Variants in PDK1 observed in about 807,000 individuals in gnomAD.
PDK1 encodes the protein pyruvate dehydrogenase kinase 1, also known as [Pyruvate dehydrogenase (acetyl-transferring)] kinase isozyme 1, mitochondrial.
In PDK1, 39 loss-of-function variants were observed where a neutral mutation model predicts 54.2. That is an observed-to-expected ratio of 0.72 (90% CI 0.56 to 0.94). The LOEUF is 0.94. PDK1 is among the 40% of genes least tolerant of loss of function. The pLI, the probability that PDK1 is intolerant of heterozygous loss-of-function variation, is 0.00. For synonymous variants in PDK1, 221 were observed against 207.1 expected, an observed-to-expected ratio of 1.07 and a Z score of -0.58; for missense variants, 552 against 566.0, an observed-to-expected ratio of 0.98 and a Z score of 0.25.
intron 3 of PDK1, chr2:172,562,673 G>A (rs1372178875): frequency 3.4e-6 from 3 of 871,732 alleles, no homozygotes; most frequent in Non-Finnish European, 3.8e-6. Context: ...TACAAGTCTA[G>A]ATTTGTAATG....
chr2:172,665,681 C>G, the PDK1 span, among the ~76,000 whole-genome samples: 1 of 152,314 alleles, frequency 6.6e-6, no homozygotes, highest in Non-Finnish European at 1.5e-5. Flanking sequence ...TCCTTGATAA[C>G]AAAACCCCAG....
At chr2:172,676,879 G>C in the PDK1 span, among the ~76,000 whole-genome samples, 1 of 152,092 alleles carries the variant, frequency 6.6e-6, no homozygotes, top group Non-Finnish European at 1.5e-5. Context: ...TTAAGAATTT[G>C]CCATAGCCAC....
rs147625238 is a variant in PDK1 at position 172,583,573 on chromosome 2, G to A, written c.946-2705G>A. Among the ~76,000 whole-genome samples the A allele has an allele frequency of 5.5e-3, 834 of 151,956 alleles. 6 individuals carry two copies. Among genetic ancestry groups the A allele is most frequent in the African/African-American group, 0.019 (785 of 41,462 alleles). ...CTCCCAAAGTGCTGGGTTTATAGGT[G>A]TAAGCCACCACACCCAGCCACAAGT... On this transcript the variant is annotated intron_variant, in intron 8 of 10. Coordinates refer to ENST00000282077, the MANE Select transcript of PDK1 (RefSeq NM_002610.5).
At chr2:172,661,116 TCATTCTGATCAG>T in the PDK1 span, among the ~76,000 whole-genome samples, 1 of 152,126 alleles carries the variant, frequency 6.6e-6, no homozygotes, top group Non-Finnish European at 1.5e-5. Context: ...TCAGGAATGT[TCATTCTGATCAG>T]CAGCTAGGGC....
At chr2:172,566,994 G>A (rs368627721) in intron 6 of PDK1, 61 bp downstream of exon 6, 1 of 1,106,910 alleles carries the variant, frequency 9.0e-7, no homozygotes, top group Non-Finnish European at 1.3e-6. Context: ...TAAGGGATAA[G>A]AATTTAAATG....
chr2:172,714,203 T>C, the PDK1 span, among the ~76,000 whole-genome samples: 1 of 152,226 alleles, frequency 6.6e-6, no homozygotes, highest in Non-Finnish European at 1.5e-5. Context: ...TAAGTTTAAA[T>C]AGTAACAAAA....
the PDK1 span, among the ~76,000 whole-genome samples, chr2:172,618,168 G>A: frequency 6.6e-6 from 1 of 152,172 alleles, no homozygotes; most frequent in Non-Finnish European, 1.5e-5. Context: ...ACATTCTATA[G>A]TGAGATGGTA....
chr2:172,624,625 G>A, the PDK1 span, among the ~76,000 whole-genome samples: 1 of 152,140 alleles, frequency 6.6e-6, no homozygotes, highest in Non-Finnish European at 1.5e-5. Context: ...GGAGATGCTG[G>A]GGTCCCATCC....
the PDK1 span, among the ~76,000 whole-genome samples, chr2:172,629,064 A>G: frequency 6.6e-6 from 1 of 152,158 alleles, no homozygotes; most frequent in Non-Finnish European, 1.5e-5. Flanking sequence ...GAGGAGGTTG[A>G]GGCTGCAGTG....
chr2:172,569,422 G>T (rs890410309), intron 7 of PDK1, among the ~76,000 whole-genome samples: 1 of 151,780 alleles, frequency 6.6e-6, no homozygotes, highest in East Asian at 1.9e-4. Context: ...TTTTTTCCCC[G>T]CCAATAATAC....
chr2:172,583,229 C>G (rs564128009), intron 8 of PDK1, among the ~76,000 whole-genome samples: 36 of 138,040 alleles, frequency 2.6e-4, no homozygotes, highest in African/African-American at 9.3e-4. Context: ...AAATAAATTA[C>G]TTTACAGGGC....
At chr2:172,594,059 G>A (rs568320069) in intron 10 of PDK1, among the ~76,000 whole-genome samples, 6 of 143,800 alleles carry the variant, frequency 4.2e-5, no homozygotes, top group East Asian at 2.0e-4. Context: ...TTTTTGAGAC[G>A]GAGTCTTGCT....
chr2:172,632,490 T>C, the PDK1 span, among the ~76,000 whole-genome samples: 1 of 152,292 alleles, frequency 6.6e-6, no homozygotes, highest in Non-Finnish European at 1.5e-5. Flanking sequence ...TAATTTGTGA[T>C]GGAAGATCCA....
At chr2:172,720,096 TTCTCTC>T in the PDK1 span, among the ~76,000 whole-genome samples, 4 of 136,990 alleles carry the variant, frequency 2.9e-5, no homozygotes, top group African/African-American at 5.5e-5. Flanking sequence ...CAAAGAGCTT[TTCTCTC>T]TCTCTCTCTC....
chr2:172,642,023 C>G, the PDK1 span, among the ~76,000 whole-genome samples: 115 of 152,170 alleles, frequency 7.6e-4, 1 homozygote, highest in African/African-American at 2.7e-3. Flanking sequence ...TCATAATTAA[C>G]AAATCCAAAA....
the PDK1 span, among the ~76,000 whole-genome samples, chr2:172,650,516 C>T: frequency 6.6e-6 from 1 of 152,200 alleles, no homozygotes; most frequent in South Asian, 2.1e-4. Flanking sequence ...GCTAAATGCT[C>T]CAATTAAAAG....
chr2:172,556,306 C>A lies in PDK1; in HGVS notation c.156C>A (p.Phe52Leu). Reference sequence around the variant, plus strand: ...GCCAGGTGGACTTCTACGCGCGCTTCTCGCCGTCCCCGCTCTCCATGAAGC... The same window carrying A: ...GCCAGGTGGACTTCTACGCGCGCTTATCGCCGTCCCCGCTCTCCATGAAGC... ...VPGQVDFYAR[F>L]SPSPLSMKQF... Residue 52 changes from phenylalanine to leucine, a missense_variant, in exon 1 of 11, where the codon TTC becomes TTA. Phe to Leu is a conservative substitution (Grantham distance 22). Transcript: ENST00000282077. 2 of 1,503,448 alleles carry A rather than the reference C, an allele frequency of 1.3e-6. No homozygotes were observed. The highest frequency in any genetic ancestry group is 8.8e-7 in the Non-Finnish European group (1 of 1,133,024). The allele number at this position is 1,503,448 out of a possible 1,614,324, so 93.1% of individuals were successfully genotyped here. A position where few individuals can be genotyped will look rare whatever the true frequency, so the allele number is the denominator to read the frequency against.
the PDK1 span, among the ~76,000 whole-genome samples, chr2:172,654,868 G>C: frequency 6.6e-6 from 1 of 152,152 alleles, no homozygotes; most frequent in Non-Finnish European, 1.5e-5. Context: ...TGTAAGGACG[G>C]TTTCACCCGA....
intron 3 of PDK1, among the ~76,000 whole-genome samples, chr2:172,563,020 G>T (rs908989462): frequency 3.3e-5 from 5 of 152,178 alleles, no homozygotes; most frequent in African/African-American, 1.2e-4. Flanking sequence ...ACTTCAGCAA[G>T]AGTTTACTCC....
Sources: allele counts gnomAD v4.1 joint callset (sites outside exome capture counted in the v4.1 genomes callset), GRCh38; gene constraint gnomAD v4.1.1; transcripts MANE v1.5; gene names NCBI Gene and HGNC (gene_info 2026-07-23, HGNC 2026-07-21).